Variants in CDH13 observed in about 807,000 individuals in gnomAD.
The protein encoded by CDH13 is cadherin 13.
Under a neutral mutation model 63.8 loss-of-function variants are expected in CDH13, and 24 were observed. That is an observed-to-expected ratio of 0.38 (90% confidence interval 0.27 to 0.53). The LOEUF (loss-of-function observed/expected upper bound fraction) is 0.53. Among genes scored for constraint, CDH13 ranks in the 20% least tolerant of loss-of-function variants. The pLI is 0.85. For synonymous variants in CDH13, 503 were observed against 355.3 expected, an observed-to-expected ratio of 1.42 and a Z score of -4.67; for missense variants, 1,049 against 903.1, an observed-to-expected ratio of 1.16 and a Z score of -2.07.
intron 4 of CDH13, among the ~76,000 whole-genome samples, chr16:83,145,252 C>T (rs568498563): frequency 1.3e-5 from 2 of 152,268 alleles, no homozygotes; most frequent in African/African-American, 2.4e-5. Flanking sequence ...GCAGGGGTGA[C>T]ACCAACTCCC....
At chr16:83,469,451 A>C (rs1472765400) in intron 6 of CDH13, among the ~76,000 whole-genome samples, 1 of 152,168 alleles carries the variant, frequency 6.6e-6, no homozygotes, top group Non-Finnish European at 1.5e-5. Flanking sequence ...ATACAGGAAA[A>C]ACATATTGAG....
rs563644973 is a variant in CDH13, at chr16:82,858,692, C to T, written c.157+219C>T. ...GCATCTCTTTTTAGTATTTTATCAT[C>T]AGTGGGTATCTCCATACTGCTGTCA... On this transcript the variant is annotated intron_variant, in intron 2 of 13. Transcript: ENST00000567109. The T allele has an allele frequency of 5.4e-5, 33 of 610,994 alleles. 1 individual carries two copies. The East Asian group carries it at 6.3e-4, about 12-fold the overall frequency. The allele number at this position is 610,994 out of a possible 1,614,324, so 37.8% of individuals were successfully genotyped here.
In CDH13 at chr16:82,946,167, G is replaced by T. The variant is rs1426034296; in HGVS notation, c.158-85843G>T. 2.6e-5 allele frequency among the ~76,000 whole-genome samples: 4 copies of T among 151,320 alleles called. No homozygotes were observed. The Admixed American group carries it at 2.6e-4, about 10-fold the overall frequency. The stretch of plus-strand genomic sequence containing the variant: ...ACATACTAGATTTCCATAACTATTT[G>T]TTGATTAAATTAATGACTAGATGGA... On this transcript the variant is annotated intron_variant, in intron 2 of 13. Transcript: ENST00000567109.
rs563505543 is a variant in CDH13, at chr16:83,536,603, A to G, written c.960+49948A>G. ...GGGTTTTGTCTTTATACTAATGGAAATGGGAAATCCTTAAAGTATATTAAG... is the reference window on the plus strand; with the variant it reads ...GGGTTTTGTCTTTATACTAATGGAAGTGGGAAATCCTTAAAGTATATTAAG... On this transcript the variant is annotated intron_variant, in intron 7 of 13. Coordinates refer to ENST00000567109, the MANE Select transcript of CDH13 (RefSeq NM_001257.5). Among the ~76,000 whole-genome samples the G allele has an allele frequency of 1.2e-4, 18 of 152,288 alleles. 1 individual carries two copies. The South Asian group carries it at 3.7e-3, about 32-fold the overall frequency.
chr16:82,851,716 G>A (rs2039496401), intron 1 of CDH13, among the ~76,000 whole-genome samples: 1 of 151,888 alleles, frequency 6.6e-6, no homozygotes. Context: ...CACATGTCCT[G>A]GAATGCTCCA....
chr16:83,561,726 T>C (rs1296809349), intron 7 of CDH13, among the ~76,000 whole-genome samples: 1 of 152,252 alleles, frequency 6.6e-6, no homozygotes, highest in East Asian at 1.9e-4. Flanking sequence ...ATAATGTACC[T>C]GAATTTCTTA....
intron 2 of CDH13, among the ~76,000 whole-genome samples, chr16:82,889,367 A>G (rs1216471340): frequency 1.3e-5 from 2 of 151,560 alleles, no homozygotes; most frequent in Non-Finnish European, 1.5e-5. Flanking sequence ...TCTAAAATCT[A>G]TCTATAATCT....
intron 1 of CDH13, among the ~76,000 whole-genome samples, chr16:82,820,112 A>G (rs1397005621): frequency 1.3e-5 from 2 of 152,172 alleles, no homozygotes; most frequent in Admixed American, 1.3e-4. Flanking sequence ...CTTCATCTTT[A>G]AAACAGGGAT....
intron 2 of CDH13, among the ~76,000 whole-genome samples, chr16:82,942,246 C>T (rs1904296957): frequency 1.3e-5 from 2 of 152,066 alleles, no homozygotes; most frequent in African/African-American, 2.4e-5. Flanking sequence ...ATGATTTTTC[C>T]AGTTGCTGCC....
At chr16:83,542,705 GAAGCATCCAC>G (rs2075316423) in intron 7 of CDH13, among the ~76,000 whole-genome samples, 1 of 152,162 alleles carries the variant, frequency 6.6e-6, no homozygotes, top group Non-Finnish European at 1.5e-5. Flanking sequence ...TTGGCTTGCA[GAAGCATCCAC>G]CACTCCAGTC....
At chr16:83,345,669 A>T (rs957465377) in intron 6 of CDH13, among the ~76,000 whole-genome samples, 5 of 152,202 alleles carry the variant, frequency 3.3e-5, no homozygotes, top group African/African-American at 1.2e-4. Context: ...ATACATACAA[A>T]TTAAAGTATC....
chr16:83,432,399 A>G (rs2072147626), intron 6 of CDH13, among the ~76,000 whole-genome samples: 1 of 152,140 alleles, frequency 6.6e-6, no homozygotes, highest in Non-Finnish European at 1.5e-5. Flanking sequence ...GAGGAAACTG[A>G]GGCCAGGCTC....
At chr16:82,651,693 C>T (rs982501482) in intron 1 of CDH13, among the ~76,000 whole-genome samples, 8 of 152,332 alleles carry the variant, frequency 5.3e-5, no homozygotes, top group African/African-American at 1.4e-4. Context: ...GCCACTCAGG[C>T]AGTTGTAGGA....
chr16:83,295,356 A>G (rs2089567007), intron 5 of CDH13, among the ~76,000 whole-genome samples: 1 of 152,188 alleles, frequency 6.6e-6, no homozygotes, highest in South Asian at 2.1e-4. Flanking sequence ...AGCACAGGCA[A>G]CAAAAGCAAA....
chr16:82,831,514 G>A (rs1157786654), intron 1 of CDH13, among the ~76,000 whole-genome samples: 3 of 152,054 alleles, frequency 2.0e-5, no homozygotes, highest in Admixed American at 1.3e-4. Context: ...AGCAGCAAAG[G>A]AAACAACTCC....
chr16:82,760,036 G>A (rs1278554575), intron 1 of CDH13, among the ~76,000 whole-genome samples: 1 of 152,152 alleles, frequency 6.6e-6, no homozygotes, highest in Admixed American at 6.5e-5. Flanking sequence ...TGATTACAAA[G>A]TTGCAAAGAT....
At chr16:83,589,705 C>T (rs930098192) in intron 7 of CDH13, among the ~76,000 whole-genome samples, 7 of 152,076 alleles carry the variant, frequency 4.6e-5, no homozygotes, top group Non-Finnish European at 1.0e-4. Flanking sequence ...CATCTCACAG[C>T]ATAATCACAG....
At chr16:82,888,599 A>G (rs1019884031) in intron 2 of CDH13, among the ~76,000 whole-genome samples, 3 of 152,216 alleles carry the variant, frequency 2.0e-5, no homozygotes, top group African/African-American at 7.2e-5. Context: ...AGCAGGGTTC[A>G]GAAAAGCTTG....
intron 4 of CDH13, among the ~76,000 whole-genome samples, chr16:83,128,598 A>G (rs2035912819): frequency 6.6e-6 from 1 of 152,232 alleles, no homozygotes; most frequent in African/African-American, 2.4e-5. Context: ...CAAATCTGTC[A>G]TGTCCAGATT....
Sources: gnomAD v4.1 joint callset for allele counts (sites outside exome capture counted in the v4.1 genomes callset) on GRCh38, gnomAD v4.1.1 for gene constraint, MANE v1.5 for transcripts, NCBI Gene and HGNC (gene_info 2026-07-23, HGNC 2026-07-21) for gene names.